The following MARK2 variants were observed in gnomAD, a reference collection of about 807,000 sequenced individuals.
The protein encoded by MARK2 is serine/threonine-protein kinase MARK2.
In MARK2, 16 loss-of-function variants were observed where a neutral mutation model predicts 89.8. That is an observed-to-expected ratio of 0.18 (90% confidence interval 0.12 to 0.27). MARK2 has a LOEUF of 0.27. MARK2 is among the 10% of genes least tolerant of loss of function. MARK2 has a pLI of 1.00. For missense variants in MARK2, 621 were observed against 1,049.9 expected, an observed-to-expected ratio of 0.59 and a Z score of 5.65; for synonymous variants, 382 against 399.5, an observed-to-expected ratio of 0.96 and a Z score of 0.52.
In MARK2 at chr11:63,903,927, C is replaced by T. The variant is rs116161008; in HGVS notation, c.1515-59C>T. ...CTTCCCCTGCCCTTGCTTCCTAATC[C>T]AGGCCTCCCGCCCTCACTCACCCCT... On this transcript the variant is annotated intron_variant, in intron 14 of 18. Transcript: ENST00000402010. This position sits in a 1 kb window ranked among gnomAD's most constrained non-coding sequence, Gnocchi z 5.1. The T allele has an allele frequency of 3.4e-3, 5,028 of 1,460,592 alleles. 164 individuals carry two copies. In the African/African-American group the frequency reaches 0.065, roughly 19 times the overall value. 90.5% of individuals were successfully genotyped at this position (1,460,592 alleles called of 1,614,324 possible). A position where few individuals can be genotyped will look rare whatever the true frequency, so the allele number is the denominator to read the frequency against.
At chr11:63,870,817 G>C (rs539889854) in intron 1 of MARK2, among the ~76,000 whole-genome samples, 2 of 152,346 alleles carry the variant, frequency 1.3e-5, no homozygotes, top group East Asian at 3.9e-4. Context: ...AGGAATGGGA[G>C]TGACTGCTAG....
At chr11:63,868,906 G>T (rs771273080) in intron 1 of MARK2, 1 of 455,890 alleles carries the variant, frequency 2.2e-6, no homozygotes, top group South Asian at 1.5e-5. Context: ...AGCGCCTGAT[G>T]ATGGTGAGGA....
chr11:63,906,182 A>G, intron 17 of MARK2, 68 bp downstream of exon 17: 3 of 1,248,578 alleles, frequency 2.4e-6, no homozygotes, highest in Non-Finnish European at 2.0e-6. Context: ...TGCCTCCATC[A>G]CTAACTCCCC....
At chr11:63,864,859 T>C (rs1554975600) in intron 1 of MARK2, among the ~76,000 whole-genome samples, 1 of 152,006 alleles carries the variant, frequency 6.6e-6, no homozygotes, top group Non-Finnish European at 1.5e-5. Flanking sequence ...ATTAAATAAA[T>C]AAATAAGATT....
chr11:63,894,968 G>A (rs1271874134), intron 1 of MARK2, among the ~76,000 whole-genome samples, 191 bp from the exon 2 acceptor site: 4 of 152,156 alleles, frequency 2.6e-5, no homozygotes, highest in East Asian at 3.9e-4. Context: ...ACCTTATGAT[G>A]TGCTTCTCTG....
At position 63,904,111 on chromosome 11, in the gene MARK2, C is replaced by A; in HGVS notation, c.1640C>A (p.Pro547His). The part of the protein sequence containing the change: ...SVHPNKASGL[P>H]PTESNCEVPR... The stretch of plus-strand genomic sequence containing the variant: ...CACCCCAACAAGGCCTCTGGGCTGC[C>A]CCCCACGGAGAGTAACTGTGAGGTG... Residue 547 changes from proline (P) to histidine (H), a missense_variant, in exon 15 of 19, where the codon CCC (proline) becomes CAC (histidine). Coordinates refer to ENST00000402010, the MANE Select transcript of MARK2 (RefSeq NM_001039469.3). This position sits in a 1 kb window ranked among gnomAD's most constrained non-coding sequence, Gnocchi z 6.3. 2.5e-6 allele frequency: 4 copies of A among 1,598,916 alleles called. No individual in the cohort carries two copies. Among genetic ancestry groups the A allele is most frequent in the Non-Finnish European group, 3.4e-6 (4 of 1,177,100 alleles).
intron 18 of MARK2, among the ~76,000 whole-genome samples, chr11:63,908,513 T>G (rs960075450): frequency 1.3e-5 from 2 of 152,200 alleles, no homozygotes; most frequent in African/African-American, 4.8e-5. Context: ...TGGTATATTC[T>G]GGAAGTCGGA....
chr11:63,898,594 C>G lies in MARK2; in HGVS notation c.338-14C>G, dbSNP rs1940614277. 1.2e-6 allele frequency: 2 copies of G among 1,610,006 alleles called. No individual in the cohort carries two copies. Among genetic ancestry groups the G allele is most frequent in the African/African-American group, 2.7e-5 (2 of 74,838 alleles). ...GTTGCTTCTTGACTTAAGGCTTGGC[C>G]TTTTCTCTTGTAGTTAAATTATTTG... On this transcript the variant is annotated splice_polypyrimidine_tract_variant and intron_variant, in intron 4 of 18. Coordinates refer to ENST00000402010, the MANE Select transcript of MARK2 (RefSeq NM_001039469.3).
intron 1 of MARK2, among the ~76,000 whole-genome samples, chr11:63,878,835 G>A (rs965711467): frequency 1.3e-5 from 2 of 152,040 alleles, no homozygotes; most frequent in Non-Finnish European, 2.9e-5. Context: ...TACAATTCAC[G>A]TACCCCTTGA....
intron 1 of MARK2, among the ~76,000 whole-genome samples, chr11:63,894,389 A>G (rs1483262782): frequency 1.3e-5 from 2 of 152,180 alleles, no homozygotes; most frequent in Non-Finnish European, 2.9e-5. Flanking sequence ...AAGGGCTACT[A>G]CGTTTCTACC....
chr11:63,881,502 A>G (rs1939088541), intron 1 of MARK2, among the ~76,000 whole-genome samples: 1 of 152,176 alleles, frequency 6.6e-6, no homozygotes, highest in Non-Finnish European at 1.5e-5. Context: ...TTTAAAGATC[A>G]AAAAGTTGTG....
intron 1 of MARK2, among the ~76,000 whole-genome samples, chr11:63,890,511 C>T (rs1372083258): frequency 6.6e-6 from 1 of 152,206 alleles, no homozygotes; most frequent in Non-Finnish European, 1.5e-5. Context: ...GAGTTCCTGA[C>T]TCTCCTCCTT....
intron 1 of MARK2, among the ~76,000 whole-genome samples, chr11:63,865,844 A>G (rs549153275): frequency 9.8e-5 from 15 of 152,326 alleles, no homozygotes; most frequent in Non-Finnish European, 2.1e-4. Context: ...AGTTCTGTGT[A>G]GGGATTTCCC....
chr11:63,894,922 T>C (rs760072330), intron 1 of MARK2, among the ~76,000 whole-genome samples: 5 of 152,054 alleles, frequency 3.3e-5, no homozygotes, highest in Admixed American at 6.6e-5. Context: ...ACAGCTCTGC[T>C]CCTGAGCTTT....
chr11:63,898,397 C>T, intron 4 of MARK2, 117 bp downstream of exon 4: 1 of 1,064,608 alleles, frequency 9.4e-7, no homozygotes, highest in Non-Finnish European at 1.4e-6. Flanking sequence ...CAAGGATACC[C>T]CTGGGGAAGC....
At chr11:63,875,472 G>C (rs899350856) in intron 1 of MARK2, among the ~76,000 whole-genome samples, 1 of 151,834 alleles carries the variant, frequency 6.6e-6, no homozygotes, top group African/African-American at 2.4e-5. Flanking sequence ...GGCTGGTCTC[G>C]AACTCCTTGC....
chr11:63,842,974 G>C (rs1045429684), intron 1 of MARK2, among the ~76,000 whole-genome samples: 9 of 151,438 alleles, frequency 5.9e-5, no homozygotes, highest in African/African-American at 1.9e-4. Flanking sequence ...CCTGTGTGCT[G>C]TCCACTTCGC....
intron 1 of MARK2, among the ~76,000 whole-genome samples, chr11:63,885,151 C>A (rs975492998): frequency 6.6e-6 from 1 of 152,036 alleles, no homozygotes; most frequent in Non-Finnish European, 1.5e-5. Context: ...CAAGATCGTA[C>A]CACTGCACTC....
At chr11:63,907,558 C>T (rs1236631178) in intron 17 of MARK2, among the ~76,000 whole-genome samples, 2 of 152,174 alleles carry the variant, frequency 1.3e-5, no homozygotes, top group African/African-American at 4.8e-5. Flanking sequence ...TCCCCACCCA[C>T]CCAACCAAGG....
Sources: allele counts gnomAD v4.1 joint callset (sites outside exome capture counted in the v4.1 genomes callset), GRCh38; gene constraint gnomAD v4.1.1; non-coding constraint Gnocchi (gnomAD v3.1); transcripts MANE v1.5; gene names NCBI Gene and HGNC (gene_info 2026-07-23, HGNC 2026-07-21).